Variants in LAMA3 observed in about 807,000 individuals in gnomAD.
LAMA3 encodes laminin subunit alpha 3.
A neutral mutation model predicts 402.0 loss-of-function variants in LAMA3; 281 were observed. The ratio of observed to expected loss-of-function variants is 0.70; its 90% confidence interval spans 0.63 to 0.77. The LOEUF is 0.77. Among genes scored for constraint, LAMA3 ranks in the 30% least tolerant of loss-of-function variants. LAMA3 has a pLI of 0.00. For synonymous variants in LAMA3, 1,431 were observed against 1,558.4 expected (o/e 0.92, Z 1.93); for missense variants, 3,840 against 4,215.5 (o/e 0.91, Z 2.47).
intron 38 of LAMA3, among the ~76,000 whole-genome samples, chr18:23,872,442 A>G (rs2064554747): frequency 6.6e-6 from 1 of 152,202 alleles, no homozygotes; most frequent in African/African-American, 2.4e-5. Flanking sequence ...ATGATTAATA[A>G]AAGTAGCAAA....
chr18:23,951,907 C>G, intron 73 of LAMA3, 130 bp downstream of exon 73: 1 of 719,524 alleles, frequency 1.4e-6, no homozygotes, highest in South Asian at 1.5e-5. Context: ...CCGAGGCTAA[C>G]GTGTCCATTC....
In LAMA3 at chr18:23,788,882, A is replaced by G. The variant is rs111718064; in HGVS notation, c.1603+4725A>G. 2.2e-3 allele frequency among the ~76,000 whole-genome samples: 341 copies of G among 151,764 alleles called. 1 individual carries two copies. Among genetic ancestry groups the G allele is most frequent in the African/African-American group, 7.5e-3 (312 of 41,454 alleles). The stretch of plus-strand genomic sequence containing the variant: ...CAAATCATATATCTGATAAGGCACT[A>G]GTATCATATACACACATATATATAA... On this transcript the variant is annotated intron_variant, in intron 12 of 74. Coordinates refer to ENST00000313654, the MANE Select transcript of LAMA3 (RefSeq NM_198129.4).
rs369533438 is a variant in LAMA3 at position 23,946,832 on chromosome 18, A to G, written c.9351+548A>G. The G allele has an allele frequency of 8.8e-4, 144 of 163,698 alleles. 4 individuals carry two copies. The South Asian group carries it at 0.022, about 25-fold the overall frequency. 10.1% of individuals were successfully genotyped at this position (163,698 alleles called of 1,614,324 possible). A position where few individuals can be genotyped will look rare whatever the true frequency, so the allele number is the denominator to read the frequency against. On this transcript the variant is annotated intron_variant, in intron 70 of 74. Transcript: ENST00000313654. Reference sequence around the variant, plus strand: ...CATTTGAAAACCAAACACTGTTAATATCAAACTAAGTAGTGTGACCTATGT... The same window carrying G: ...CATTTGAAAACCAAACACTGTTAATGTCAAACTAAGTAGTGTGACCTATGT...
At position 23,845,022 on chromosome 18, in the gene LAMA3, T is replaced by C. The variant is rs12457323; in HGVS notation, c.3617T>C (p.Val1206Ala). Reference sequence around the variant, plus strand: ...GATTTCTTTCAGGTCCGTGTTCTAGTGGTGCCTGCAGAAAACTATGACTAC... The same window carrying C: ...GATTTCTTTCAGGTCCGTGTTCTAGCGGTGCCTGCAGAAAACTATGACTAC... ...GKSLVLVRVL[V>A]VPAENYDYQI... The change falls in exon 30 of 75, where the codon GTG becomes GCG. Residue 1206 changes from valine (V) to alanine (A), a missense_variant. Val to Ala is a moderately conservative substitution (Grantham distance 64). This residue lies in a region of LAMA3 where 2,109 missense variants were observed against 2,376.0 expected (regional missense o/e 0.89). Transcript: ENST00000313654. 49,593 of 1,594,046 alleles carry C rather than the reference T, an allele frequency of 0.031. 2,604 individuals are homozygous for C. The highest frequency in any genetic ancestry group is 0.23 in the Admixed American group (13,841 of 59,956).
chr18:23,692,508 A>G (rs1467824353), intron 1 of LAMA3, among the ~76,000 whole-genome samples: 2 of 152,108 alleles, frequency 1.3e-5, no homozygotes, highest in Non-Finnish European at 2.9e-5. Flanking sequence ...CTGACTTCAG[A>G]TGATCCACCC....
rs576317490 is a variant in LAMA3 at position 23,932,480 on chromosome 18, C to G, written c.8708+189C>G. Reference sequence around the variant, plus strand: ...AAAACCCATAAAAAACTCCTGGGCCCGGCCTCCTTTTGGAGGAGCAGCGTT... The same window carrying G: ...AAAACCCATAAAAAACTCCTGGGCCGGGCCTCCTTTTGGAGGAGCAGCGTT... On this transcript the variant is annotated intron_variant, in intron 66 of 74. Transcript: ENST00000313654. 2.8e-5 allele frequency: 16 copies of G among 579,210 alleles called. No individual in the cohort carries two copies. In the East Asian group the frequency reaches 4.8e-4, roughly 17 times the overall value. The allele number at this position is 579,210 out of a possible 1,614,324, so 35.9% of individuals were successfully genotyped here.
intron 11 of LAMA3, among the ~76,000 whole-genome samples, chr18:23,778,778 C>T (rs776090010): frequency 6.6e-6 from 1 of 152,140 alleles, no homozygotes; most frequent in East Asian, 1.9e-4. Flanking sequence ...CACGAGTGCC[C>T]CTCCTCCTGC....
At chr18:23,951,970 A>G (rs1336515803) in intron 73 of LAMA3, among the ~76,000 whole-genome samples, 193 bp downstream of exon 73, 1 of 152,128 alleles carries the variant, frequency 6.6e-6, no homozygotes, top group Admixed American at 6.5e-5. Context: ...AGTTCTCCAG[A>G]ACTTATCAAA....
chr18:23,856,686 G>A (rs1453283956), intron 32 of LAMA3, among the ~76,000 whole-genome samples: 1 of 152,092 alleles, frequency 6.6e-6, no homozygotes, highest in Non-Finnish European at 1.5e-5. Context: ...ACCCCCCACT[G>A]TGCTTTCCTC....
At chr18:23,735,479 G>C (rs1398969204) in intron 2 of LAMA3, among the ~76,000 whole-genome samples, 4 of 152,172 alleles carry the variant, frequency 2.6e-5, no homozygotes, top group African/African-American at 7.2e-5. Flanking sequence ...CCTGTCTCTT[G>C]TTTTATTTCT....
chr18:23,707,034 C>T (rs912901105), intron 1 of LAMA3, among the ~76,000 whole-genome samples: 1 of 152,164 alleles, frequency 6.6e-6, no homozygotes, highest in Admixed American at 6.5e-5. Context: ...GCCAAGATCG[C>T]ACCATTGCAC....
intron 14 of LAMA3, among the ~76,000 whole-genome samples, 176 bp from the exon 15 acceptor site, chr18:23,814,227 T>C (rs2063132897): frequency 6.6e-6 from 1 of 152,220 alleles, no homozygotes; most frequent in Admixed American, 6.5e-5. Flanking sequence ...TGAATAAAAA[T>C]AAACAAAAGC....
At chr18:23,814,106 A>G (rs1568211798) in intron 14 of LAMA3, among the ~76,000 whole-genome samples, 2 of 152,246 alleles carry the variant, frequency 1.3e-5, no homozygotes, top group African/African-American at 4.8e-5. Flanking sequence ...CTGTAACAGT[A>G]TCAACAGACA....
rs1313652994 is a variant in LAMA3, at chr18:23,931,141, C to T, written c.8516C>T (p.Ser2839Phe). The T allele has an allele frequency of 6.2e-7, 1 of 1,613,326 alleles. No homozygotes were observed. Among genetic ancestry groups the T allele is most frequent in the Admixed American group, 1.7e-5 (1 of 60,028 alleles). Residue 2839 changes from serine to phenylalanine, a missense_variant, in exon 65 of 75, where the codon TCT becomes TTT. Ser to Phe is a radical substitution (Grantham distance 155, BLOSUM62 -2). Coordinates refer to ENST00000313654, the MANE Select transcript of LAMA3 (RefSeq NM_198129.4). The part of the protein sequence containing the change: ...TSDSGGPIFK[S>F]PQTYMDGLLH... ...GATAGCGGCGGCCCAATTTTTAAAT[C>T]TCCACAGACGTATATGGATGGTTTA...
intron 54 of LAMA3, among the ~76,000 whole-genome samples, chr18:23,908,447 G>A (rs148312519): frequency 3.4e-3 from 513 of 150,212 alleles, no homozygotes; most frequent in African/African-American, 0.012. Context: ...GGAGAATGGC[G>A]TGATCCTGGG....
chr18:23,867,459 G>A (rs1263838694), intron 36 of LAMA3, among the ~76,000 whole-genome samples: 1 of 147,060 alleles, frequency 6.8e-6, no homozygotes, highest in Non-Finnish European at 1.5e-5. Flanking sequence ...TAAGGCAGGA[G>A]AATCGCTTGA....
chr18:23,927,209 T>C (rs527783489), intron 62 of LAMA3, among the ~76,000 whole-genome samples: 31 of 152,302 alleles, frequency 2.0e-4, no homozygotes, highest in Non-Finnish European at 4.0e-4. Flanking sequence ...CTCGCTTTGT[T>C]GCCAGGCTGG....
At chr18:23,773,360 T>A in intron 8 of LAMA3, 137 bp from the exon 9 acceptor site, 1 of 732,800 alleles carries the variant, frequency 1.4e-6, no homozygotes, top group Non-Finnish European at 2.4e-6. Flanking sequence ...AGATTAATGC[T>A]TTTTTAAATT....
Position 23,899,016 on chromosome 18 carries a change from C to A in LAMA3, c.5787C>A (p.Ser1929Arg). 3 of 1,613,856 alleles carry A rather than the reference C, an allele frequency of 1.9e-6. No homozygotes were observed. Among genetic ancestry groups the A allele is most frequent in the Non-Finnish European group, 2.5e-6 (3 of 1,179,906 alleles). Residue 1929 changes from serine (S) to arginine (R), a missense_variant, in exon 46 of 75, where the codon AGC (serine) becomes AGA (arginine). Physicochemically the swap from Ser to Arg is moderately radical, Grantham distance 110. Coordinates refer to ENST00000313654, the MANE Select transcript of LAMA3 (RefSeq NM_198129.4). ...LNNNVNRATQ[S>R]AKELDVKIKN... ...ACAATGTTAATCGGGCAACACAAAG[C>A]GCAAAAGAACTGGATGTGAAGATTA...
Sources: allele counts gnomAD v4.1 joint callset (sites outside exome capture counted in the v4.1 genomes callset), GRCh38; gene constraint gnomAD v4.1.1; regional missense constraint gnomAD v4.1.1; transcripts MANE v1.5; gene names NCBI Gene and HGNC (gene_info 2026-07-23, HGNC 2026-07-21).